Variants in SLC23A1 observed in about 807,000 individuals in gnomAD.
The protein encoded by SLC23A1 is solute carrier family 23 member 1.
SLC23A1 carries 31 observed loss-of-function variants against 62.5 expected under a neutral mutation model. The observed-to-expected ratio is 0.50, with a 90% CI of 0.37 to 0.67. SLC23A1 has a LOEUF of 0.67. Among genes scored for constraint, SLC23A1 ranks in the 30% least tolerant of loss-of-function variants. The pLI is 0.00. For missense variants in SLC23A1, 640 were observed against 782.7 expected (o/e 0.82, Z 2.18); for synonymous variants, 271 against 313.2 (o/e 0.87, Z 1.42).
At position 139,379,219 on chromosome 5, in the gene SLC23A1, T is replaced by C; in HGVS notation, c.1061A>G (p.His354Arg). The change falls in exon 9 of 15, where the codon CAT (histidine) becomes CGT (arginine). Residue 354 changes from histidine (H) to arginine (R), a missense_variant. By Grantham distance (29) the His-to-Arg change is conservative (BLOSUM62 0). Coordinates refer to ENST00000348729, the MANE Select transcript of SLC23A1 (RefSeq NM_005847.5). This position sits in a 1 kb window ranked among gnomAD's most constrained non-coding sequence, Gnocchi z 4.7. ...RLAGAPPPPV[H>R]AINRGIFTEG... ...GCAGGTAGGCTACCTGTTGATAGCA[T>C]GTACTGGAGGGGGTGGTGCACCAGC... is the stretch of plus-strand genomic sequence containing the variant. The C allele has an allele frequency of 6.2e-7, 1 of 1,614,134 alleles. No homozygotes were observed. Among genetic ancestry groups the C allele is most frequent in the South Asian group, 1.1e-5 (1 of 91,080 alleles).
At chr5:139,370,823 G>T (rs560706840) in intron 14 of SLC23A1, among the ~76,000 whole-genome samples, 1 of 151,520 alleles carries the variant, frequency 6.6e-6, no homozygotes, top group East Asian at 2.0e-4. Context: ...GGGTGCGGTG[G>T]CTCACGCCTG....
intron 13 of SLC23A1, among the ~76,000 whole-genome samples, chr5:139,373,749 C>T (rs1456892271): frequency 6.6e-6 from 1 of 151,122 alleles, no homozygotes; most frequent in Non-Finnish European, 1.5e-5. Context: ...GGGCTTGGCT[C>T]TACAAAGGGC....
intron 13 of SLC23A1, among the ~76,000 whole-genome samples, chr5:139,373,106 A>G (rs1212340263): frequency 6.6e-6 from 1 of 152,176 alleles, no homozygotes; most frequent in Non-Finnish European, 1.5e-5. Flanking sequence ...AACTTCAGAA[A>G]GTCAAGCTAA....
chr5:139,377,428 G>A lies in SLC23A1; in HGVS notation c.1523C>T (p.Ala508Val). The change falls in exon 13 of 15, where the codon GCT becomes GTT. Residue 508 changes from alanine (A) to valine (V), a missense_variant. Physicochemically the swap from Ala to Val is moderately conservative, Grantham distance 64 (BLOSUM62 0). Transcript: ENST00000348729. ...TGGCACTGTGTTGTCAAGTATGAAA[G>A]CAAGGCACCCGCCCACAAACATCTC... ...TTEMFVGGCL[A>V]FILDNTVPGS... 2 of 1,607,530 alleles carry A rather than the reference G, an allele frequency of 1.2e-6. No individual in the cohort carries two copies. Among genetic ancestry groups the A allele is most frequent in the Non-Finnish European group, 8.5e-7 (1 of 1,173,952 alleles).
At position 139,380,790 on chromosome 5, in the gene SLC23A1, G is replaced by T; in HGVS notation, c.397+8C>A. On this transcript the variant is annotated splice_region_variant and intron_variant, in intron 4 of 14. Transcript: ENST00000348729. Reference sequence around the variant, plus strand: ...TTTCCCCAGTGCAGACCCCAGAAGTGTACCCACCTTCCGGGGGGCATTTCC... The same window carrying T: ...TTTCCCCAGTGCAGACCCCAGAAGTTTACCCACCTTCCGGGGGGCATTTCC... 1 of 1,547,264 alleles carries T rather than the reference G, an allele frequency of 6.5e-7. No homozygotes were observed. The highest frequency in any genetic ancestry group is 8.8e-7 in the Non-Finnish European group (1 of 1,134,092).
At chr5:139,383,182 C>CCCCGG in intron 1 of SLC23A1, 36 bp downstream of exon 1, 1 of 275,506 alleles carries the variant, frequency 3.6e-6, no homozygotes, top group Non-Finnish European at 6.2e-6. Context: ...CCCACCCCCC[C>CCCCGG]TGCCCCCCCT....
At chr5:139,368,851 C>A in intron 14 of SLC23A1, 1 of 1,295,008 alleles carries the variant, frequency 7.7e-7, no homozygotes, top group Non-Finnish European at 1.1e-6. Flanking sequence ...ACTGTGAAGG[C>A]AGTATTAGAA....
At chr5:139,369,899 A>G (rs6596471) in intron 14 of SLC23A1, among the ~76,000 whole-genome samples, 61,322 of 151,878 alleles carry the variant, frequency 0.4, 14,468 homozygotes, top group East Asian at 0.77. Flanking sequence ...GAATAACTCC[A>G]TTGCCCATCC....
chr5:139,382,118 G>GT (rs1027016630), intron 2 of SLC23A1, 69 bp from the exon 3 acceptor site: 2 of 1,465,780 alleles, frequency 1.4e-6, no homozygotes, highest in African/African-American at 2.8e-5. Flanking sequence ...GGACAACCTA[G>GT]TGTCCTCATG....
Position 139,378,040 on chromosome 5 carries a change from A to C in SLC23A1, c.1388T>G (p.Phe463Cys). Residue 463 changes from phenylalanine to cysteine, a missense_variant, in exon 12 of 15, where the codon TTT becomes TGT. Phe to Cys is a radical substitution (Grantham distance 205, BLOSUM62 -2). Transcript: ENST00000348729. The surrounding 1 kb of genome is among the most constrained non-coding windows in gnomAD (Gnocchi z 4.5). ...CAGCGTGAGCCCGAAGAACATGGAA[A>C]ATCCCAGCACGAAGAGGTTGCGAGA... The part of the protein sequence containing the change: ...NSSRNLFVLG[F>C]SMFFGLTLPN... 1 of 1,614,146 alleles carries C rather than the reference A, an allele frequency of 6.2e-7. No individual in the cohort carries two copies. The highest frequency in any genetic ancestry group is 8.5e-7 in the Non-Finnish European group (1 of 1,180,010).
chr5:139,372,899 A>G (rs1031637472), intron 13 of SLC23A1, among the ~76,000 whole-genome samples: 2 of 152,140 alleles, frequency 1.3e-5, no homozygotes, highest in South Asian at 2.1e-4. Context: ...AAATTTTAAG[A>G]TGAAGAAAGG....
upstream of SLC23A1, among the ~76,000 whole-genome samples, chr5:139,385,458 C>T (rs1175200359): frequency 6.6e-6 from 1 of 151,952 alleles, no homozygotes; most frequent in Non-Finnish European, 1.5e-5. Context: ...GGAAAATGAA[C>T]AGCCATTGGG....
chr5:139,382,621 A>T lies in SLC23A1; in HGVS notation c.37-16T>A. 1.3e-6 allele frequency: 2 copies of T among 1,516,430 alleles called. No homozygotes were observed. Among genetic ancestry groups the T allele is most frequent in the Non-Finnish European group, 1.8e-6 (2 of 1,092,406 alleles). 93.9% of individuals were successfully genotyped at this position (1,516,430 alleles called of 1,614,324 possible). ...TGGTTTCATGCTGGAGGCAGCAGAGATAAGTAGCTTAGGGTGAAGTGATGG... is the reference window on the plus strand; with the variant it reads ...TGGTTTCATGCTGGAGGCAGCAGAGTTAAGTAGCTTAGGGTGAAGTGATGG... On this transcript the variant is annotated splice_polypyrimidine_tract_variant and intron_variant, in intron 1 of 14. Coordinates refer to ENST00000348729, the MANE Select transcript of SLC23A1 (RefSeq NM_005847.5).
At position 139,378,648 on chromosome 5, in the gene SLC23A1, C is replaced by T. The variant is rs371336900; in HGVS notation, c.1110G>A (p.Ala370=). 6.8e-5 allele frequency: 110 copies of T among 1,612,046 alleles called. No individual in the cohort carries two copies. The highest frequency in any genetic ancestry group is 9.2e-5 in the Non-Finnish European group (108 of 1,179,282). ...ACCCGTTGCCCGTGCCCAATAGCCC[C>T]GCGATGATGCAGCAAATGCCTTCGG... ...IFTEGICCII[A]GLLGTGNGST... is the part of the protein sequence containing the mutation. The change falls in exon 10 of 15, where the codon GCG becomes GCA. Residue 370 remains alanine (A), a synonymous_variant. Transcript: ENST00000348729. The surrounding 1 kb of genome is among the most constrained non-coding windows in gnomAD (Gnocchi z 4.5).
chr5:139,383,264 C>T lies in SLC23A1; in HGVS notation c.-11G>A, dbSNP rs749544722. 3.9e-5 allele frequency: 58 copies of T among 1,482,734 alleles called. No individual in the cohort carries two copies. The allele number at this position is 1,482,734 out of a possible 1,614,324, so 91.8% of individuals were successfully genotyped here. On this transcript the variant is annotated 5_prime_UTR_variant, in exon 1 of 15. The change creates a new upstream start codon in the 5' untranslated region. Transcript: ENST00000348729. ...CTCCTGGGCCCTCATCTTTGGGGCA[C>T]AGGTTTGAGCAGTTCCTGAGGAGAA... is the stretch of plus-strand genomic sequence containing the variant.
rs776853801 is a variant in SLC23A1 at position 139,378,102 on chromosome 5, C to A, written c.1326G>T (p.Val442=). ...CCACAAATTGCAGGTTGGACAGCCCCACAGCTGTAATCATGCCTAAGGGCG... is the reference window on the plus strand; with the variant it reads ...CCACAAATTGCAGGTTGGACAGCCCAACAGCTGTAATCATGCCTAAGGGCG... The part of the protein sequence containing the change: ...FCTLFGMITA[V]GLSNLQFVDM... Residue 442 remains valine (V), a synonymous_variant, in exon 12 of 15, where the codon GTG becomes GTT. Transcript: ENST00000348729. This position sits in a 1 kb window ranked among gnomAD's most constrained non-coding sequence, Gnocchi z 4.5. 6.2e-7 allele frequency: 1 copy of A among 1,614,100 alleles called. No homozygotes were observed. The highest frequency in any genetic ancestry group is 1.3e-5 in the African/African-American group (1 of 74,944).
chr5:139,371,591 A>G (rs1450858840), intron 14 of SLC23A1, among the ~76,000 whole-genome samples: 3 of 152,210 alleles, frequency 2.0e-5, no homozygotes, highest in South Asian at 2.1e-4. Flanking sequence ...CTTGTGCTGC[A>G]TTTCTCAACA....
chr5:139,367,437 A>G lies in SLC23A1; in HGVS notation c.*214T>C, dbSNP rs568411721. ...TTTAGAGACATAGCATAACATTGGT[A>G]CAAGTCTCTAAGACTCAGACTTTGG... On this transcript the variant is annotated 3_prime_UTR_variant, in exon 15 of 15. Transcript: ENST00000348729. 1.3e-5 allele frequency: 2 copies of G among 152,300 alleles called. No homozygotes were observed. Among genetic ancestry groups the G allele is most frequent in the African/African-American group, 4.8e-5 (2 of 41,562 alleles). 9.4% of individuals were successfully genotyped at this position (152,300 alleles called of 1,614,324 possible). A position where few individuals can be genotyped will look rare whatever the true frequency, so the allele number is the denominator to read the frequency against.
At chr5:139,372,704 T>C (rs1561972153) in intron 13 of SLC23A1, among the ~76,000 whole-genome samples, 1 of 151,842 alleles carries the variant, frequency 6.6e-6, no homozygotes, top group Non-Finnish European at 1.5e-5. Context: ...CCTGCCTCAG[T>C]CTCCTTAGTA....
Sources: allele counts gnomAD v4.1 joint callset (sites outside exome capture counted in the v4.1 genomes callset), GRCh38; gene constraint gnomAD v4.1.1; non-coding constraint Gnocchi (gnomAD v3.1); transcripts MANE v1.5; gene names NCBI Gene and HGNC (gene_info 2026-07-23, HGNC 2026-07-21).